Variants in HDLBP observed in about 807,000 individuals in gnomAD.
The protein encoded by HDLBP is high density lipoprotein binding protein, also known as vigilin.
In HDLBP, 30 loss-of-function variants were observed where a neutral mutation model predicts 137.3. The ratio of observed to expected loss-of-function variants is 0.22; its 90% CI spans 0.16 to 0.30. HDLBP has a LOEUF of 0.30. HDLBP is among the 10% of genes least tolerant of loss of function. The pLI is 1.00. For synonymous variants in HDLBP, 606 were observed against 596.0 expected (o/e 1.02, Z -0.24); for missense variants, 1,119 against 1,667.3 (o/e 0.67, Z 5.73).
intron 1 of HDLBP, among the ~76,000 whole-genome samples, chr2:241,300,846 C>T (rs1352019340): frequency 6.6e-6 from 1 of 152,164 alleles, no homozygotes; most frequent in Non-Finnish European, 1.5e-5. Flanking sequence ...GTCTCAGGGG[C>T]TGGCCAGGCA....
intron 2 of HDLBP, chr2:241,267,495 C>G: frequency 7.5e-7 from 1 of 1,338,390 alleles, no homozygotes; most frequent in South Asian, 1.3e-5. Context: ...ACCTGCCTGA[C>G]CCAGGCTCCA....
intron 21 of HDLBP, 186 bp downstream of exon 21, chr2:241,236,429 G>C: frequency 1.6e-6 from 1 of 628,550 alleles, no homozygotes; most frequent in Non-Finnish European, 2.8e-6. Flanking sequence ...GTGAAGGGAA[G>C]TGGCCTCCCC....
chr2:241,241,402 C>T (rs1296916496), intron 17 of HDLBP, among the ~76,000 whole-genome samples: 1 of 151,660 alleles, frequency 6.6e-6, no homozygotes, highest in Non-Finnish European at 1.5e-5. Flanking sequence ...CCCATCTCTA[C>T]TAAAAATACA....
chr2:241,256,443 C>G (rs369439104), intron 6 of HDLBP, 44 bp from the exon 7 acceptor site: 3 of 1,549,062 alleles, frequency 1.9e-6, no homozygotes, highest in Non-Finnish European at 2.6e-6. Flanking sequence ...CCTTTGAAAA[C>G]AAACTGGGGA....
intron 9 of HDLBP, among the ~76,000 whole-genome samples, chr2:241,253,862 A>T (rs971992474): frequency 6.6e-6 from 1 of 152,200 alleles, no homozygotes; most frequent in Admixed American, 6.5e-5. Flanking sequence ...TGGAATTTTA[A>T]AACTCGTATA....
rs759663553 is a variant in HDLBP at position 241,248,209 on chromosome 2, CTA to C, written c.1617+33_1617+34del. The C allele has an allele frequency of 2.3e-5, 36 of 1,572,616 alleles. No homozygotes were observed. The East Asian group carries it at 7.8e-4, about 34-fold the overall frequency. Reference sequence around the variant, plus strand: ...TCCTGAAGTGTGACTTGGATCACTCCTATAGAGTTACAGAATGTCTCTGGGAA... The same window carrying C: ...TCCTGAAGTGTGACTTGGATCACTCCTAGAGTTACAGAATGTCTCTGGGAA... On this transcript the variant is annotated intron_variant, in intron 13 of 27. Coordinates refer to ENST00000310931, the MANE Select transcript of HDLBP (RefSeq NM_005336.6).
chr2:241,230,612 G>A lies in HDLBP; in HGVS notation c.3474+147C>T, dbSNP rs2069624621. 8 of 702,936 alleles carry A rather than the reference G, an allele frequency of 1.1e-5. No homozygotes were observed. In the South Asian group the frequency reaches 1.5e-4, roughly 13 times the overall value. The allele number at this position is 702,936 out of a possible 1,614,324, so 43.5% of individuals were successfully genotyped here. ...CAGGCCGTCGCCTGCACTGACCCGT[G>A]GTGTCCATGAGGACAGTTCCACTGC... On this transcript the variant is annotated intron_variant, in intron 25 of 27. Coordinates refer to ENST00000310931, the MANE Select transcript of HDLBP (RefSeq NM_005336.6). This position sits in a 1 kb window ranked among gnomAD's most constrained non-coding sequence, Gnocchi z 5.0.
chr2:241,272,882 C>A lies in HDLBP; in HGVS notation c.-102-4341G>T, dbSNP rs564143688. 2.3e-6 allele frequency: 1 copy of A among 438,114 alleles called. No homozygotes were observed. The highest frequency in any genetic ancestry group is 3.0e-6 in the Non-Finnish European group (1 of 329,976). The allele number at this position is 438,114 out of a possible 1,614,324, so 27.1% of individuals were successfully genotyped here. A position where few individuals can be genotyped will look rare whatever the true frequency, so the allele number is the denominator to read the frequency against. The stretch of plus-strand genomic sequence containing the variant: ...GCTATATAGGGCGGCGGCCCAATCC[C>A]GCCTGGACACGTCAGCGCCCGCCCG... On this transcript the variant is annotated intron_variant, in intron 1 of 27. Coordinates refer to ENST00000310931, the MANE Select transcript of HDLBP (RefSeq NM_005336.6). This position sits in a 1 kb window ranked among gnomAD's most constrained non-coding sequence, Gnocchi z 5.6.
chr2:241,287,739 T>C (rs1206690628), intron 1 of HDLBP, among the ~76,000 whole-genome samples: 3 of 152,202 alleles, frequency 2.0e-5, no homozygotes, highest in East Asian at 1.9e-4. Flanking sequence ...ATGTGTTACG[T>C]TGATATGTAA....
intron 1 of HDLBP, among the ~76,000 whole-genome samples, chr2:241,283,870 A>G (rs1374655543): frequency 2.0e-5 from 3 of 152,174 alleles, no homozygotes; most frequent in Non-Finnish European, 4.4e-5. Context: ...GTTAAAGCCA[A>G]TGCTCATTTA....
chr2:241,236,586 G>C (rs746101001), intron 21 of HDLBP, 29 bp downstream of exon 21: 5 of 1,611,624 alleles, frequency 3.1e-6, no homozygotes, highest in South Asian at 2.2e-5. Flanking sequence ...GCCTTGGCGG[G>C]GGGTGGAGGG....
At chr2:241,269,036 T>C (rs1246922683) in intron 1 of HDLBP, 2 of 152,248 alleles carry the variant, frequency 1.3e-5, no homozygotes, top group African/African-American at 2.4e-5. Context: ...TCCGTCTATT[T>C]TGCAGTTACT....
rs747746237 is a variant in HDLBP at position 241,234,011 on chromosome 2, C to G, written c.3145-48G>C. 34 of 1,604,736 alleles carry G rather than the reference C, an allele frequency of 2.1e-5. No homozygotes were observed. In the African/African-American group the frequency reaches 4.3e-4, roughly 20 times the overall value. ...TGAGGCAAAGATTGAGCTGATCCAC[C>G]CTGTGACTCCATTCCCCTTCCACCC... On this transcript the variant is annotated intron_variant, in intron 23 of 27. Transcript: ENST00000310931.
At chr2:241,313,413 G>A (rs2149734667) in intron 1 of HDLBP, among the ~76,000 whole-genome samples, 1 of 152,234 alleles carries the variant, frequency 6.6e-6, no homozygotes, top group African/African-American at 2.4e-5. Flanking sequence ...TTGAGCAGCT[G>A]GGATTACAGG....
At chr2:241,290,615 GA>G (rs199969641) in intron 1 of HDLBP, among the ~76,000 whole-genome samples, 21,444 of 144,868 alleles carry the variant, frequency 0.15, 1,969 homozygotes, top group Non-Finnish European at 0.21. Flanking sequence ...TGTCTCAAAG[GA>G]AAAAAAAAAA....
intron 5 of HDLBP, among the ~76,000 whole-genome samples, chr2:241,258,981 A>G (rs1336468999): frequency 2.6e-5 from 4 of 152,174 alleles, no homozygotes; most frequent in Non-Finnish European, 5.9e-5. Flanking sequence ...ATCTATCCCA[A>G]GATACACTGG....
chr2:241,295,895 A>G (rs2075160790), intron 1 of HDLBP, among the ~76,000 whole-genome samples: 2 of 152,174 alleles, frequency 1.3e-5, no homozygotes, highest in African/African-American at 4.8e-5. Flanking sequence ...TATCCCCCAG[A>G]GGGAGTGTGG....
intron 14 of HDLBP, 143 bp downstream of exon 14, chr2:241,247,860 A>G (rs1255455121): frequency 1.6e-6 from 1 of 623,816 alleles, no homozygotes; most frequent in Non-Finnish European, 2.9e-6. Context: ...ACTTTGTCCC[A>G]AGTCCCTGAG....
intron 1 of HDLBP, among the ~76,000 whole-genome samples, chr2:241,311,387 T>G (rs1162196093): frequency 2.6e-5 from 4 of 152,158 alleles, no homozygotes; most frequent in Admixed American, 2.6e-4. Context: ...AGGCAACTAG[T>G]GAAGGATGTG....
Sources: gnomAD v4.1 joint callset for allele counts (sites outside exome capture counted in the v4.1 genomes callset) on GRCh38, gnomAD v4.1.1 for gene constraint, Gnocchi (gnomAD v3.1) non-coding constraint, MANE v1.5 for transcripts, NCBI Gene and HGNC (gene_info 2026-07-23, HGNC 2026-07-21) for gene names.